CHD3: variants seen among roughly 807,000 people sequenced by gnomAD.
The protein encoded by CHD3 is chromodomain helicase DNA binding protein 3, also known as ATP-dependent chromatin remodeler CHD3.
Under a neutral mutation model 248.9 loss-of-function variants are expected in CHD3, and 52 were observed. The observed-to-expected ratio is 0.21, with a 90% confidence interval of 0.17 to 0.26. The LOEUF is 0.26. Ranked by LOEUF, CHD3 falls within the 10% of genes least tolerant of loss-of-function variation. The pLI is 1.00. For synonymous variants in CHD3, 985 were observed against 985.2 expected, an observed-to-expected ratio of 1.00 and a Z score of 0.00; for missense variants, 1,482 against 2,605.8, an observed-to-expected ratio of 0.57 and a Z score of 9.39.
upstream of CHD3, chr17:7,884,807 AT>A: frequency 1.6e-6 from 1 of 616,578 alleles, no homozygotes; most frequent in South Asian, 2.7e-5. Flanking sequence ...GAGCCACAGG[AT>A]GGCTTCCCCT....
Position 7,891,181 on chromosome 17 carries a change from A to G in CHD3, c.509+117A>G. The G allele has an allele frequency of 3.3e-6, 4 of 1,213,906 alleles. 1 individual carries two copies. The highest frequency in any genetic ancestry group is 2.8e-5 in the South Asian group (2 of 70,354). The allele number at this position is 1,213,906 out of a possible 1,614,324, so 75.2% of individuals were successfully genotyped here. A position where few individuals can be genotyped will look rare whatever the true frequency, so the allele number is the denominator to read the frequency against. ...GCTCTCCAGAGAATTCACGGTGTATACACACCAAATTCTACACGTCATTTC... is the reference window on the plus strand; with the variant it reads ...GCTCTCCAGAGAATTCACGGTGTATGCACACCAAATTCTACACGTCATTTC... On this transcript the variant is annotated intron_variant, in intron 4 of 39. Coordinates refer to ENST00000330494, the MANE Select transcript of CHD3 (RefSeq NM_001005273.3).
In CHD3 at chr17:7,908,481, T is replaced by C; in HGVS notation, c.5232T>C (p.His1744=). ...GKLNEIWHRR[H]DYWLLAGIVL... ...TCAATGAGATCTGGCACAGAAGACA[T>C]GACTATTGGCTTCTGGCTGGGATTG... is the stretch of plus-strand genomic sequence containing the variant. The change falls in exon 35 of 40, where the codon CAT becomes CAC. Residue 1744 remains histidine (H), a synonymous_variant. Transcript: ENST00000330494. This position sits in a 1 kb window ranked among gnomAD's most constrained non-coding sequence, Gnocchi z 5.8. 1.9e-6 allele frequency: 3 copies of C among 1,613,718 alleles called. No individual in the cohort carries two copies. The highest frequency in any genetic ancestry group is 8.5e-7 in the Non-Finnish European group (1 of 1,179,802).
intron 20 of CHD3, among the ~76,000 whole-genome samples, chr17:7,902,127 G>A (rs1355521324): frequency 6.6e-6 from 1 of 152,122 alleles, no homozygotes; most frequent in Non-Finnish European, 1.5e-5. Context: ...AATCAAGAGA[G>A]TGTGACAAGA....
Position 7,902,821 on chromosome 17 carries a change from T to C in CHD3, c.3370+94T>C, listed in dbSNP as rs1364152158. Reference sequence around the variant, plus strand: ...GGGAGGGGGACTGGCTTGGGGGACATTGGAAACTTAGGCTTTGAGTTGGGG... The same window carrying C: ...GGGAGGGGGACTGGCTTGGGGGACACTGGAAACTTAGGCTTTGAGTTGGGG... On this transcript the variant is annotated intron_variant, in intron 21 of 39. Transcript: ENST00000330494. 2.5e-6 allele frequency: 4 copies of C among 1,580,036 alleles called. No individual in the cohort carries two copies. The African/African-American group carries it at 4.1e-5, about 16-fold the overall frequency.
chr17:7,909,385 G>GT lies in CHD3; in HGVS notation c.5590+48dup. ...CGCGGGGGAGGGCCCACAACGCTGC[G>GT]TAAGTCTTCACCCCGCACCCCTCAA... On this transcript the variant is annotated intron_variant, in intron 37 of 39. Transcript: ENST00000330494. The surrounding 1 kb of genome is among the most constrained non-coding windows in gnomAD (Gnocchi z 8.1). The GT allele has an allele frequency of 1.3e-6, 2 of 1,498,940 alleles. No homozygotes were observed. The highest frequency in any genetic ancestry group is 1.8e-6 in the Non-Finnish European group (2 of 1,121,828). 92.9% of individuals were successfully genotyped at this position (1,498,940 alleles called of 1,614,324 possible).
In CHD3 at chr17:7,889,839, AT is replaced by A; in HGVS notation, c.213+67del. On this transcript the variant is annotated intron_variant, in intron 2 of 39. Transcript: ENST00000330494. The surrounding 1 kb of genome is among the most constrained non-coding windows in gnomAD (Gnocchi z 4.5). ...AAGAGACCCATTCTCAGAGACCTAC[AT>A]TTTCTCTGGTCCTGATTACTGGTGT... 6.8e-7 allele frequency: 1 copy of A among 1,461,390 alleles called. No individual in the cohort carries two copies. Among genetic ancestry groups the A allele is most frequent in the Non-Finnish European group, 9.4e-7 (1 of 1,061,944 alleles). The allele number at this position is 1,461,390 out of a possible 1,614,324, so 90.5% of individuals were successfully genotyped here. A position where few individuals can be genotyped will look rare whatever the true frequency, so the allele number is the denominator to read the frequency against.
intron 2 of CHD3, 113 bp from the exon 3 acceptor site, chr17:7,890,458 T>TGTG (rs1968674341): frequency 1.2e-5 from 9 of 749,854 alleles, no homozygotes; most frequent in Non-Finnish European, 4.1e-6. Context: ...AAAAATTAGT[T>TGTG]ACTATCACAG....
intron 13 of CHD3, 43 bp from the exon 14 acceptor site, chr17:7,898,968 C>T (rs754495503): frequency 5.1e-6 from 8 of 1,558,232 alleles, no homozygotes; most frequent in South Asian, 2.2e-5. Flanking sequence ...CTGGAGGAGC[C>T]GCCGACTATT....
Position 7,895,604 on chromosome 17 carries a change from C to G in CHD3, c.1707+62C>G. The G allele has an allele frequency of 7.1e-7, 1 of 1,416,512 alleles. No individual in the cohort carries two copies. Among genetic ancestry groups the G allele is most frequent in the East Asian group, 2.3e-5 (1 of 43,928 alleles). 87.7% of individuals were successfully genotyped at this position (1,416,512 alleles called of 1,614,324 possible). On this transcript the variant is annotated intron_variant, in intron 10 of 39. Transcript: ENST00000330494. The surrounding 1 kb of genome is among the most constrained non-coding windows in gnomAD (Gnocchi z 4.9). ...TCATTTCCTGCCATCCTCTCCCTCT[C>G]TTACTCCTCTGTTTGTTGGGTTCCC...
chr17:7,898,361 G>C (rs1597960396), intron 12 of CHD3, 135 bp from the exon 13 acceptor site: 2 of 764,432 alleles, frequency 2.6e-6, no homozygotes, highest in Non-Finnish European at 4.2e-6. Context: ...AAGGGCAAGG[G>C]TAAAGAGCCT....
intron 10 of CHD3, among the ~76,000 whole-genome samples, chr17:7,896,496 C>T (rs1969679576): frequency 1.3e-5 from 2 of 151,192 alleles, no homozygotes; most frequent in Non-Finnish European, 1.5e-5. Context: ...ACCTCTGCCT[C>T]CTGGGTTCAA....
Position 7,910,334 on chromosome 17 carries a change from G to C in CHD3, c.5591-94G>C, listed in dbSNP as rs749455615. 15 of 1,468,028 alleles carry C rather than the reference G, an allele frequency of 1.0e-5. No homozygotes were observed. The East Asian group carries it at 1.4e-4, about 13-fold the overall frequency. The allele number at this position is 1,468,028 out of a possible 1,614,324, so 90.9% of individuals were successfully genotyped here. A position where few individuals can be genotyped will look rare whatever the true frequency, so the allele number is the denominator to read the frequency against. ...CTCCTCTCTCGCTCTTTTTCTGCCT[G>C]TATCTGTCCATCTGATGCCTCTCTT... On this transcript the variant is annotated intron_variant, in intron 37 of 39. Coordinates refer to ENST00000330494, the MANE Select transcript of CHD3 (RefSeq NM_001005273.3). The surrounding 1 kb of genome is among the most constrained non-coding windows in gnomAD (Gnocchi z 4.7).
At chr17:7,885,044 C>A, upstream of CHD3, 1 of 1,093,960 alleles carries the variant, frequency 9.1e-7, no homozygotes, top group Non-Finnish European at 1.1e-6. Context: ...GCCGCCGCCG[C>A]CGCCACCGCT....
At position 7,897,907 on chromosome 17, in the gene CHD3, C is replaced by T; in HGVS notation, c.1920-64C>T. The T allele has an allele frequency of 6.5e-7, 1 of 1,532,460 alleles. No homozygotes were observed. Among genetic ancestry groups the T allele is most frequent in the Non-Finnish European group, 8.8e-7 (1 of 1,137,978 alleles). The allele number at this position is 1,532,460 out of a possible 1,614,324, so 94.9% of individuals were successfully genotyped here. A position where few individuals can be genotyped will look rare whatever the true frequency, so the allele number is the denominator to read the frequency against. On this transcript the variant is annotated intron_variant, in intron 11 of 39. Coordinates refer to ENST00000330494, the MANE Select transcript of CHD3 (RefSeq NM_001005273.3). The surrounding 1 kb of genome is among the most constrained non-coding windows in gnomAD (Gnocchi z 4.8). ...CTGATAATTGCGTTTCTCAGGCCTTCTTTCTGTTTGTGATCTGTGCAATAT... is the reference window on the plus strand; with the variant it reads ...CTGATAATTGCGTTTCTCAGGCCTTTTTTCTGTTTGTGATCTGTGCAATAT...
In CHD3 at chr17:7,893,866, G is replaced by A; in HGVS notation, c.855G>A (p.Arg285=). 1 of 1,614,104 alleles carries A rather than the reference G, an allele frequency of 6.2e-7. No homozygotes were observed. The highest frequency in any genetic ancestry group is 8.5e-7 in the Non-Finnish European group (1 of 1,180,024). The change falls in exon 6 of 40, where the codon CGG becomes CGA. Residue 285 remains arginine, a synonymous_variant. Coordinates refer to ENST00000330494, the MANE Select transcript of CHD3 (RefSeq NM_001005273.3). The part of the protein sequence containing the change: ...PRVPDGRKKL[R]GKKMAPLKIK... ...TGCCTGATGGACGCAAGAAGCTTCGGGGAAAGAAAATGGCACCACTCAAAA... is the reference window on the plus strand; with the variant it reads ...TGCCTGATGGACGCAAGAAGCTTCGAGGAAAGAAAATGGCACCACTCAAAA...
At chr17:7,894,695 C>CTGGGGGCAGGA in intron 8 of CHD3, 87 bp downstream of exon 8, 1 of 1,445,324 alleles carries the variant, frequency 6.9e-7, no homozygotes, top group South Asian at 1.3e-5. Context: ...TTCCTGCCCC[C>CTGGGGGCAGGA]AGATGGCTGG....
In CHD3 at chr17:7,906,377, G is replaced by T. The variant is rs756035506; in HGVS notation, c.4359-176G>T. ...AAAGACCCAGGGGTGGGGCGCAGGG[G>T]GACAGTTAGGACTTGGAGGGCTGGT... On this transcript the variant is annotated intron_variant, in intron 28 of 39. Transcript: ENST00000330494. This position sits in a 1 kb window ranked among gnomAD's most constrained non-coding sequence, Gnocchi z 5.0. 1.4e-5 allele frequency: 10 copies of T among 700,008 alleles called. No individual in the cohort carries two copies. The highest frequency in any genetic ancestry group is 2.5e-5 in the Non-Finnish European group (10 of 404,136). 43.4% of individuals were successfully genotyped at this position (700,008 alleles called of 1,614,324 possible). A position where few individuals can be genotyped will look rare whatever the true frequency, so the allele number is the denominator to read the frequency against.
At position 7,899,369 on chromosome 17, in the gene CHD3, G is replaced by C; in HGVS notation, c.2370G>C (p.Val790=). 6.2e-7 allele frequency: 1 copy of C among 1,614,182 alleles called. No homozygotes were observed. Among genetic ancestry groups the C allele is most frequent in the Non-Finnish European group, 8.5e-7 (1 of 1,180,034 alleles). The change falls in exon 15 of 40, where the codon GTG becomes GTC. Residue 790 remains valine, a synonymous_variant. Transcript: ENST00000330494. The surrounding 1 kb of genome is among the most constrained non-coding windows in gnomAD (Gnocchi z 6.8). ...GCCACACAAAAGGTCCCTTCCTGGTGAGTGCCCCACTCTCTACCATCATTA... is the reference window on the plus strand; with the variant it reads ...GCCACACAAAAGGTCCCTTCCTGGTCAGTGCCCCACTCTCTACCATCATTA... ...KEGHTKGPFL[V]SAPLSTIINW... is the part of the protein sequence containing the mutation.
Position 7,906,540 on chromosome 17 carries a change from C to A in CHD3, c.4359-13C>A. Reference sequence around the variant, plus strand: ...GGCTCCCCTAACCCTCCTCCCACTCCCATGCTCCTTAGGGCCTATGTGTCT... The same window carrying A: ...GGCTCCCCTAACCCTCCTCCCACTCACATGCTCCTTAGGGCCTATGTGTCT... On this transcript the variant is annotated splice_polypyrimidine_tract_variant and intron_variant, in intron 28 of 39. Transcript: ENST00000330494. The surrounding 1 kb of genome is among the most constrained non-coding windows in gnomAD (Gnocchi z 5.0). The A allele has an allele frequency of 6.2e-7, 1 of 1,613,714 alleles. No homozygotes were observed. Among genetic ancestry groups the A allele is most frequent in the Non-Finnish European group, 8.5e-7 (1 of 1,179,892 alleles).
Sources: allele counts gnomAD v4.1 joint callset (sites outside exome capture counted in the v4.1 genomes callset), GRCh38; gene constraint gnomAD v4.1.1; non-coding constraint Gnocchi (gnomAD v3.1); transcripts MANE v1.5; gene names NCBI Gene and HGNC (gene_info 2026-07-23, HGNC 2026-07-21).